FBN2: variants seen among roughly 807,000 people sequenced by gnomAD.
The protein encoded by FBN2 is fibrillin 2.
In FBN2, 105 loss-of-function variants were observed where a neutral mutation model predicts 355.6. The ratio of observed to expected loss-of-function variants is 0.30; its 90% CI spans 0.25 to 0.35. The LOEUF is 0.35. FBN2 is among the 10% of genes least tolerant of loss of function. The pLI, the probability that FBN2 is intolerant of heterozygous loss-of-function variation, is 1.00. For missense variants in FBN2, 3,280 were observed against 3,758.7 expected (o/e 0.87, Z 3.33); for synonymous variants, 1,350 against 1,301.2 (o/e 1.04, Z -0.81).
In FBN2 at chr5:128,258,134, G is replaced by C. The variant is rs1452805039; in HGVS notation, c.*1321C>G. The stretch of plus-strand genomic sequence containing the variant: ...GCACAGGTTTGAGAGGAACAACCAG[G>C]AGCCTGCATGTGCTTTGGCCATTTC... On this transcript the variant is annotated 3_prime_UTR_variant, in exon 65 of 65. Transcript: ENST00000262464. The C allele has an allele frequency of 6.6e-6, 1 of 152,496 alleles. No homozygotes were observed. Among genetic ancestry groups the C allele is most frequent in the Non-Finnish European group, 1.5e-5 (1 of 68,034 alleles). 9.4% of individuals were successfully genotyped at this position (152,496 alleles called of 1,614,324 possible).
chr5:128,444,134 G>A (rs578223928), intron 7 of FBN2, among the ~76,000 whole-genome samples: 29 of 142,564 alleles, frequency 2.0e-4, no homozygotes, highest in African/African-American at 7.2e-4. Context: ...CTGCAGTGGC[G>A]CGATCTCGGC....
At chr5:128,536,354 T>A in intron 2 of FBN2, 48 bp downstream of exon 2, 1 of 1,481,706 alleles carries the variant, frequency 6.7e-7, no homozygotes, top group Non-Finnish European at 9.4e-7. Flanking sequence ...CGGCCGGAGA[T>A]AGGGCCGAGT....
chr5:128,504,648 T>A, intron 5 of FBN2, among the ~76,000 whole-genome samples: 1 of 152,232 alleles, frequency 6.6e-6, no homozygotes, highest in East Asian at 1.9e-4. Context: ...ATTTACCCAA[T>A]GCCTGCACAA....
chr5:128,449,564 A>G (rs1292011802), intron 6 of FBN2, among the ~76,000 whole-genome samples: 1 of 151,226 alleles, frequency 6.6e-6, no homozygotes, highest in Non-Finnish European at 1.5e-5. Flanking sequence ...AGATATAGCT[A>G]ATAATCCAAC....
At chr5:128,305,456 G>C in intron 44 of FBN2, 55 bp downstream of exon 44, 2 of 1,602,248 alleles carry the variant, frequency 1.2e-6, no homozygotes, top group Admixed American at 3.3e-5. Flanking sequence ...TTTTTGATAG[G>C]AAATCTAAGG....
intron 6 of FBN2, among the ~76,000 whole-genome samples, chr5:128,455,908 C>G (rs1234187382): frequency 2.1e-5 from 3 of 144,788 alleles, no homozygotes; most frequent in Non-Finnish European, 4.5e-5. Flanking sequence ...CCTATGGAGC[C>G]CCCCGGGGGT....
chr5:128,494,235 C>A (rs1026562422), intron 5 of FBN2, among the ~76,000 whole-genome samples: 3 of 152,136 alleles, frequency 2.0e-5, no homozygotes, highest in African/African-American at 7.2e-5. Flanking sequence ...AAGGCAGGCC[C>A]ATAAGAAGAA....
At position 128,258,616 on chromosome 5, in the gene FBN2, C is replaced by A. The variant is rs545804280; in HGVS notation, c.*839G>T. On this transcript the variant is annotated 3_prime_UTR_variant, in exon 65 of 65. Transcript: ENST00000262464. ...TAAGAATGAGGTGTTGTGGGTAGCA[C>A]ATATGGTTCCTTGAGGTTATGAGAA... 6.6e-6 allele frequency: 1 copy of A among 152,556 alleles called. No individual in the cohort carries two copies. The highest frequency in any genetic ancestry group is 2.4e-5 in the African/African-American group (1 of 41,406). 9.5% of individuals were successfully genotyped at this position (152,556 alleles called of 1,614,324 possible).
intron 7 of FBN2, among the ~76,000 whole-genome samples, chr5:128,416,090 G>C (rs896395450): frequency 6.6e-6 from 1 of 150,600 alleles, no homozygotes; most frequent in Admixed American, 6.6e-5. Flanking sequence ...GCAATGGGGC[G>C]ATCTCGGCTC....
intron 11 of FBN2, among the ~76,000 whole-genome samples, chr5:128,379,634 C>T (rs965467808): frequency 1.3e-5 from 2 of 152,150 alleles, no homozygotes; most frequent in African/African-American, 2.4e-5. Flanking sequence ...TAATTAAATG[C>T]AAACCCATTG....
chr5:128,530,166 T>C (rs1489176554), intron 3 of FBN2, among the ~76,000 whole-genome samples: 1 of 152,208 alleles, frequency 6.6e-6, no homozygotes, highest in Non-Finnish European at 1.5e-5. Context: ...AGTCCACAGT[T>C]ATAATTATCT....
intron 4 of FBN2, among the ~76,000 whole-genome samples, chr5:128,526,795 G>C (rs575653986): frequency 1.3e-3 from 193 of 152,240 alleles, no homozygotes; most frequent in Non-Finnish European, 2.1e-3. Context: ...AAGAATTCTG[G>C]AGATGGATGG....
intron 24 of FBN2, among the ~76,000 whole-genome samples, 173 bp from the exon 25 acceptor site, chr5:128,344,683 G>A (rs1751121000): frequency 2.0e-5 from 3 of 151,018 alleles, no homozygotes; most frequent in Admixed American, 6.6e-5. Flanking sequence ...TCAATATGGT[G>A]AAAAAGATCT....
At chr5:128,434,936 T>C (rs1018620073) in intron 7 of FBN2, among the ~76,000 whole-genome samples, 1 of 152,136 alleles carries the variant, frequency 6.6e-6, no homozygotes, top group African/African-American at 2.4e-5. Flanking sequence ...AAAGATGTCT[T>C]GGAGGCTCTC....
At chr5:128,443,142 C>CAA (rs1753968570) in intron 7 of FBN2, among the ~76,000 whole-genome samples, 1 of 152,158 alleles carries the variant, frequency 6.6e-6, no homozygotes, top group Admixed American at 6.5e-5. Context: ...GCATTACCTG[C>CAA]AGGTGACCAA....
At chr5:128,405,891 AT>A (rs1752914253) in intron 8 of FBN2, among the ~76,000 whole-genome samples, 1 of 152,178 alleles carries the variant, frequency 6.6e-6, no homozygotes, top group Non-Finnish European at 1.5e-5. Context: ...TTCTAGCAAT[AT>A]TCTAGGAGAC....
chr5:128,307,084 A>T, intron 42 of FBN2, 51 bp downstream of exon 42: 1 of 1,117,908 alleles, frequency 8.9e-7, no homozygotes, highest in Non-Finnish European at 1.4e-6. Context: ...ATAGATTTTT[A>T]CAGAATGCTA....
chr5:128,372,529 T>C (rs547761435), intron 15 of FBN2, among the ~76,000 whole-genome samples: 1 of 152,308 alleles, frequency 6.6e-6, no homozygotes, highest in Admixed American at 6.5e-5. Flanking sequence ...TCTCACTCTG[T>C]CACCTAGGCT....
At chr5:128,436,707 G>A (rs554712137) in intron 7 of FBN2, among the ~76,000 whole-genome samples, 2 of 151,830 alleles carry the variant, frequency 1.3e-5, no homozygotes, top group Non-Finnish European at 1.5e-5. Flanking sequence ...AAATATTTGC[G>A]GTATCTTCGT....
Sources: gnomAD v4.1 joint callset for allele counts (sites outside exome capture counted in the v4.1 genomes callset) on GRCh38, gnomAD v4.1.1 for gene constraint, MANE v1.5 for transcripts, NCBI Gene and HGNC (gene_info 2026-07-23, HGNC 2026-07-21) for gene names.